The following CNOT7 variants were observed in gnomAD, a reference collection of about 807,000 sequenced individuals.
CNOT7 encodes BTG1-binding factor 1.
A neutral mutation model predicts 37.1 loss-of-function variants in CNOT7; 4 were observed. That is an observed-to-expected ratio of 0.11 (90% CI 0.05 to 0.25). The LOEUF (loss-of-function observed/expected upper bound fraction) is 0.25, where lower values mean the gene tolerates loss of function less well. Among genes scored for constraint, CNOT7 ranks in the 10% least tolerant of loss-of-function variants. The pLI is 1.00. For missense variants in CNOT7, 170 were observed against 336.2 expected (o/e 0.51, Z 3.87); for synonymous variants, 128 against 115.6 (o/e 1.11, Z -0.69).
chr8:17,242,363 T>G (rs2151002937), intron 3 of CNOT7: 1 of 152,324 alleles, frequency 6.6e-6, no homozygotes, highest in South Asian at 2.1e-4. Context: ...CTATCAAGAC[T>G]ACTTCTATTA....
intron 5 of CNOT7, among the ~76,000 whole-genome samples, chr8:17,234,373 G>A (rs1299180511): frequency 6.6e-6 from 1 of 152,104 alleles, no homozygotes; most frequent in Non-Finnish European, 1.5e-5. Flanking sequence ...ATGCGTCTTG[G>A]GAGAAAGTAA....
At position 17,226,027 on chromosome 8, in the gene CNOT7, G is replaced by C. The variant is rs1808129267; in HGVS notation, c.*4693C>G. 2.8e-5 allele frequency: 1 copy of C among 35,784 alleles called. No homozygotes were observed. The highest frequency in any genetic ancestry group is 9.0e-5 in the Non-Finnish European group (1 of 11,142). 2.2% of individuals were successfully genotyped at this position (35,784 alleles called of 1,614,324 possible). A position where few individuals can be genotyped will look rare whatever the true frequency, so the allele number is the denominator to read the frequency against. ...TTTCTTCTAGTAGAGAGGTGGACAA[G>C]CCTTTTTTTTTTTTTTTTTTTTTTT... On this transcript the variant is annotated 3_prime_UTR_variant, in exon 7 of 7. Coordinates refer to ENST00000361272, the MANE Select transcript of CNOT7 (RefSeq NM_013354.7).
chr8:17,231,776 TC>T, intron 6 of CNOT7: 4 of 985,514 alleles, frequency 4.1e-6, no homozygotes, highest in South Asian at 4.7e-5. Flanking sequence ...CATTCTTCCA[TC>T]CCTAACACTT....
At chr8:17,243,707 T>G (rs1470918265) in intron 2 of CNOT7, 4 of 453,842 alleles carry the variant, frequency 8.8e-6, no homozygotes, top group Admixed American at 2.4e-5. Flanking sequence ...CTGTCAAGAA[T>G]TGCATGCCAC....
At chr8:17,236,744 A>G (rs150446579) in intron 4 of CNOT7, among the ~76,000 whole-genome samples, 40 of 152,312 alleles carry the variant, frequency 2.6e-4, no homozygotes, top group African/African-American at 9.4e-4. Flanking sequence ...ATGAGAATAT[A>G]AACTCCATGA....
rs535222018 is a variant in CNOT7, at chr8:17,226,960, C to G, written c.*3760G>C. On this transcript the variant is annotated 3_prime_UTR_variant, in exon 7 of 7. Coordinates refer to ENST00000361272, the MANE Select transcript of CNOT7 (RefSeq NM_013354.7). ...AAATAAATCTTTAGCACTGCTAAGC[C>G]ATTGAACGCCTGTGTGGCAAATCAA... The G allele has an allele frequency of 6.6e-6, 1 of 151,216 alleles. No homozygotes were observed. The highest frequency in any genetic ancestry group is 1.5e-5 in the Non-Finnish European group (1 of 67,642). 9.4% of individuals were successfully genotyped at this position (151,216 alleles called of 1,614,324 possible).
chr8:17,231,960 C>T (rs1808691021), intron 6 of CNOT7: 1 of 987,444 alleles, frequency 1.0e-6, no homozygotes, highest in South Asian at 4.7e-5. Context: ...CTTCAAAGCA[C>T]TGAAGAATGA....
intron 6 of CNOT7, chr8:17,231,976 G>T (rs1327785782): frequency 1.0e-6 from 1 of 990,448 alleles, no homozygotes; most frequent in African/African-American, 1.7e-5. Context: ...AATGACATGA[G>T]CAAATAATAT....
intron 3 of CNOT7, chr8:17,241,929 G>A (rs1810221267): frequency 6.6e-6 from 1 of 152,174 alleles, no homozygotes; most frequent in African/African-American, 2.4e-5. Flanking sequence ...ATAATTATTT[G>A]CTCCATTATT....
chr8:17,234,919 A>G, intron 4 of CNOT7, 59 bp from the exon 5 acceptor site: 1 of 1,502,216 alleles, frequency 6.7e-7, no homozygotes, highest in Non-Finnish European at 8.9e-7. Flanking sequence ...AAGATTAAAA[A>G]AAAAAGTTTT....
intron 1 of CNOT7, among the ~76,000 whole-genome samples, chr8:17,245,591 C>T (rs1240323053): frequency 6.6e-6 from 1 of 152,144 alleles, no homozygotes; most frequent in East Asian, 1.9e-4. Context: ...TGAAAAATTA[C>T]TTATTTACAT....
intron 2 of CNOT7, 120 bp from the exon 3 acceptor site, chr8:17,243,305 A>G (rs952022773): frequency 4.9e-5 from 36 of 738,560 alleles, no homozygotes; most frequent in African/African-American, 5.4e-5. Context: ...TTTATATTCA[A>G]TTACAAAGTA....
intron 1 of CNOT7, among the ~76,000 whole-genome samples, 159 bp from the exon 2 acceptor site, chr8:17,245,406 T>G (rs989348523): frequency 1.3e-5 from 2 of 151,990 alleles, no homozygotes; most frequent in African/African-American, 4.8e-5. Context: ...ACACAGCTAG[T>G]CTATAGGAAA....
At chr8:17,241,627 C>T (rs1013060322) in intron 3 of CNOT7, 3 of 152,098 alleles carry the variant, frequency 2.0e-5, no homozygotes, top group Non-Finnish European at 4.4e-5. Flanking sequence ...ATGTATGACA[C>T]AAATGTAGGA....
rs1351549289 is a variant in CNOT7, at chr8:17,225,752, ACT to A, written c.*4966_*4967del. ...GACAGGTAACGTTGTTATAAAAGAA[ACT>A]CTCATATAAATTACACCAACATAGC... On this transcript the variant is annotated 3_prime_UTR_variant, in exon 7 of 7. Coordinates refer to ENST00000361272, the MANE Select transcript of CNOT7 (RefSeq NM_013354.7). The A allele has an allele frequency of 3.3e-5, 5 of 151,734 alleles. No individual in the cohort carries two copies. Among genetic ancestry groups the A allele is most frequent in the East Asian group, 1.9e-4 (1 of 5,178 alleles). 9.4% of individuals were successfully genotyped at this position (151,734 alleles called of 1,614,324 possible). A position where few individuals can be genotyped will look rare whatever the true frequency, so the allele number is the denominator to read the frequency against.
chr8:17,241,459 C>G (rs1288704541), intron 3 of CNOT7: 1 of 152,096 alleles, frequency 6.6e-6, no homozygotes, highest in Admixed American at 6.5e-5. Flanking sequence ...ATACCACAGG[C>G]ATCATTACTC....
intron 5 of CNOT7, among the ~76,000 whole-genome samples, chr8:17,233,856 C>T (rs1362619642): frequency 6.6e-6 from 1 of 152,082 alleles, no homozygotes; most frequent in Non-Finnish European, 1.5e-5. Flanking sequence ...CTGTTAAGAC[C>T]AGCGTGACCA....
intron 6 of CNOT7, chr8:17,232,057 TAGG>T (rs1354238373): frequency 1.8e-5 from 19 of 1,034,388 alleles, no homozygotes; most frequent in Non-Finnish European, 2.1e-5. Context: ...CCTTGCCTTG[TAGG>T]AGGAGCACCA....
rs537196043 is a variant in CNOT7 at position 17,225,759 on chromosome 8, T to C, written c.*4961A>G. The C allele has an allele frequency of 2.6e-5, 4 of 151,842 alleles. No individual in the cohort carries two copies. The highest frequency in any genetic ancestry group is 5.9e-5 in the Non-Finnish European group (4 of 67,718). The allele number at this position is 151,842 out of a possible 1,614,324, so 9.4% of individuals were successfully genotyped here. ...AACGTTGTTATAAAAGAAACTCTCA[T>C]ATAAATTACACCAACATAGCAAATG... On this transcript the variant is annotated 3_prime_UTR_variant, in exon 7 of 7. Coordinates refer to ENST00000361272, the MANE Select transcript of CNOT7 (RefSeq NM_013354.7).
Sources: allele counts gnomAD v4.1 joint callset (sites outside exome capture counted in the v4.1 genomes callset), GRCh38; gene constraint gnomAD v4.1.1; transcripts MANE v1.5; gene names NCBI Gene and HGNC (gene_info 2026-07-23, HGNC 2026-07-21).